Variants in BTBD9 observed in about 807,000 individuals in gnomAD.
BTBD9 encodes the protein BTB/POZ domain-containing protein 9.
BTBD9 carries 49 observed loss-of-function variants against 64.3 expected under a neutral mutation model. The ratio of observed to expected loss-of-function variants is 0.76; its 90% CI spans 0.61 to 0.97. The LOEUF (loss-of-function observed/expected upper bound fraction) is 0.97, where lower values mean the gene tolerates loss of function less well. BTBD9 is among the 50% of genes least tolerant of loss of function. The pLI is 0.00. For missense variants in BTBD9, 598 were observed against 762.1 expected (o/e 0.78, Z 2.53); for synonymous variants, 260 against 274.7 (o/e 0.95, Z 0.53).
chr6:38,577,796 TA>T, intron 5 of BTBD9, 77 bp from the exon 6 acceptor site: 7 of 1,304,620 alleles, frequency 5.4e-6, no homozygotes, highest in Non-Finnish European at 6.3e-6. Context: ...AATAAAGTGT[TA>T]AAAGGTACAA....
chr6:38,275,543 C>T (rs2127546957), intron 8 of BTBD9, among the ~76,000 whole-genome samples: 1 of 148,926 alleles, frequency 6.7e-6, no homozygotes, highest in East Asian at 2.0e-4. Flanking sequence ...AAAGAAACTA[C>T]CATCAGAGTG....
In BTBD9 at chr6:38,256,411, G is replaced by A. The variant is rs1305293255; in HGVS notation, c.1560C>T (p.Cys520=). ...ATTCCTGAAAAGACACAACTTACTT[G>A]CAGGAGACTTTAGTTCTGTCAGCAA... ...TMVADRTKVS[C]KSWQSVTFER... The change falls in exon 9 of 11, where the codon TGC becomes TGT. Residue 520 remains cysteine (C), a splice_region_variant and synonymous_variant. Coordinates refer to ENST00000481247, the MANE Select transcript of BTBD9 (RefSeq NM_001099272.2). The A allele has an allele frequency of 1.9e-6, 3 of 1,607,158 alleles. No individual in the cohort carries two copies. The highest frequency in any genetic ancestry group is 1.1e-5 in the South Asian group (1 of 90,868).
chr6:38,447,942 T>C (rs920653975), intron 6 of BTBD9, among the ~76,000 whole-genome samples: 4 of 152,208 alleles, frequency 2.6e-5, no homozygotes, highest in African/African-American at 9.6e-5. Flanking sequence ...CATTTGGTCC[T>C]CATTCAATAG....
chr6:38,475,660 T>C (rs1287956429), intron 6 of BTBD9, among the ~76,000 whole-genome samples: 2 of 152,224 alleles, frequency 1.3e-5, no homozygotes, highest in Admixed American at 6.5e-5. Flanking sequence ...CTGCCCAGAA[T>C]GAACAAGTTA....
At chr6:38,372,514 A>G (rs1456597299) in intron 6 of BTBD9, among the ~76,000 whole-genome samples, 1 of 152,246 alleles carries the variant, frequency 6.6e-6, no homozygotes, top group Non-Finnish European at 1.5e-5. Context: ...AGAAAAAAAT[A>G]ACACTTTTAA....
At chr6:38,453,945 C>G (rs2127340489) in intron 6 of BTBD9, among the ~76,000 whole-genome samples, 1 of 152,296 alleles carries the variant, frequency 6.6e-6, no homozygotes, top group South Asian at 2.1e-4. Context: ...GAGCGATACA[C>G]ACCACACCAG....
intron 6 of BTBD9, among the ~76,000 whole-genome samples, chr6:38,489,813 C>G (rs1407886088): frequency 2.6e-5 from 4 of 152,168 alleles, no homozygotes; most frequent in Non-Finnish European, 5.9e-5. Flanking sequence ...CGTCCTATTC[C>G]CATTTTTCTT....
intron 7 of BTBD9, among the ~76,000 whole-genome samples, chr6:38,326,436 G>A (rs754164379): frequency 5.9e-5 from 9 of 152,096 alleles, no homozygotes; most frequent in Non-Finnish European, 1.0e-4. Flanking sequence ...AGAGCATCCC[G>A]ATAAGACAAC....
At chr6:38,213,085 C>T (rs1762891537) in intron 9 of BTBD9, among the ~76,000 whole-genome samples, 7 of 151,830 alleles carry the variant, frequency 4.6e-5, no homozygotes, top group Admixed American at 4.6e-4. Flanking sequence ...AAAACAAAGC[C>T]CAGCCCTGAC....
intron 9 of BTBD9, among the ~76,000 whole-genome samples, chr6:38,212,810 T>C (rs372503309): frequency 6.6e-6 from 1 of 151,898 alleles, no homozygotes; most frequent in Non-Finnish European, 1.5e-5. Flanking sequence ...GGAGACGGCC[T>C]CCTCCTCCTG....
At chr6:38,361,589 C>G (rs1764962758) in intron 6 of BTBD9, among the ~76,000 whole-genome samples, 1 of 151,986 alleles carries the variant, frequency 6.6e-6, no homozygotes, top group Admixed American at 6.5e-5. Context: ...GCCTGTAATC[C>G]CAGCACTTTG....
chr6:38,298,238 T>A (rs985633669), intron 7 of BTBD9, among the ~76,000 whole-genome samples: 1 of 152,250 alleles, frequency 6.6e-6, no homozygotes, highest in South Asian at 2.1e-4. Flanking sequence ...AGGTTATATA[T>A]ACATTAAATT....
intron 7 of BTBD9, among the ~76,000 whole-genome samples, chr6:38,322,178 C>T (rs1013386015): frequency 6.6e-6 from 1 of 151,974 alleles, no homozygotes; most frequent in African/African-American, 2.4e-5. Flanking sequence ...CTGATAAGGA[C>T]GGAGAAGAGA....
intron 9 of BTBD9, among the ~76,000 whole-genome samples, chr6:38,221,204 T>C (rs2127507682): frequency 6.6e-6 from 1 of 152,318 alleles, no homozygotes; most frequent in Non-Finnish European, 1.5e-5. Flanking sequence ...TGGGGTATCA[T>C]TTCATGGCCT....
intron 7 of BTBD9, among the ~76,000 whole-genome samples, chr6:38,309,765 C>CT (rs551709377): frequency 1.0e-3 from 144 of 142,326 alleles, no homozygotes; most frequent in Middle Eastern, 3.5e-3. Context: ...AGCAGCCTTT[C>CT]TTTTTTTTTT....
intron 2 of BTBD9, among the ~76,000 whole-genome samples, chr6:38,597,575 A>G (rs1777089644): frequency 6.6e-6 from 1 of 152,184 alleles, no homozygotes; most frequent in Non-Finnish European, 1.5e-5. Flanking sequence ...CCTATGCAAA[A>G]AGAAGCTTTA....
intron 4 of BTBD9, among the ~76,000 whole-genome samples, chr6:38,589,854 C>T (rs895527687): frequency 6.6e-6 from 1 of 152,112 alleles, no homozygotes; most frequent in Non-Finnish European, 1.5e-5. Context: ...CTCCGGTTGT[C>T]CTCTGTAACT....
At chr6:38,423,493 T>G (rs1768001324) in intron 6 of BTBD9, among the ~76,000 whole-genome samples, 1 of 151,998 alleles carries the variant, frequency 6.6e-6, no homozygotes, top group Non-Finnish European at 1.5e-5. Context: ...TTTGGAGAGA[T>G]AAGGTCTCAC....
chr6:38,580,384 C>T lies in BTBD9; in HGVS notation c.868G>A (p.Glu290Lys). The change falls in exon 5 of 11, where the codon GAG becomes AAG. Residue 290 changes from glutamate to lysine, a missense_variant. Physicochemically the swap from Glu to Lys is moderately conservative, Grantham distance 56. Transcript: ENST00000481247. ...MKYGAQVVKGELKSALLDGDT... is the reference protein window; with the variant it reads ...MKYGAQVVKGKLKSALLDGDT... ...CCATCTAATAAGGCTGATTTCAGCT[C>T]CCCCTTTACAACTTGGGCTCCATAC... The T allele has an allele frequency of 6.2e-7, 1 of 1,614,142 alleles. No individual in the cohort carries two copies. Among genetic ancestry groups the T allele is most frequent in the Non-Finnish European group, 8.5e-7 (1 of 1,180,014 alleles).
Sources: gnomAD v4.1 joint callset for allele counts (sites outside exome capture counted in the v4.1 genomes callset) on GRCh38, gnomAD v4.1.1 for gene constraint, MANE v1.5 for transcripts, NCBI Gene and HGNC (gene_info 2026-07-23, HGNC 2026-07-21) for gene names.